The following CDH4 variants were observed in gnomAD, a reference collection of about 807,000 sequenced individuals.
CDH4 encodes the protein cadherin-4.
CDH4 carries 33 observed loss-of-function variants against 86.0 expected under a neutral mutation model. The ratio of observed to expected loss-of-function variants is 0.38; its 90% CI spans 0.29 to 0.51. CDH4 has a LOEUF of 0.51. Ranked by LOEUF, CDH4 falls within the 20% of genes least tolerant of loss-of-function variation. CDH4 has a pLI of 0.86. For synonymous variants in CDH4, 555 were observed against 549.4 expected, an observed-to-expected ratio of 1.01 and a Z score of -0.14; for missense variants, 1,114 against 1,307.4, an observed-to-expected ratio of 0.85 and a Z score of 2.28.
chr20:61,385,843 C>T (rs772529294), intron 2 of CDH4, among the ~76,000 whole-genome samples: 3 of 152,212 alleles, frequency 2.0e-5, no homozygotes, highest in Non-Finnish European at 2.9e-5. Context: ...AAAGAGCCCC[C>T]GAGTGCCCAG....
intron 2 of CDH4, among the ~76,000 whole-genome samples, chr20:61,670,640 A>T (rs980746116): frequency 1.3e-5 from 2 of 152,184 alleles, no homozygotes; most frequent in Non-Finnish European, 2.9e-5. Flanking sequence ...TTGTTTTTGT[A>T]TGGGGAGTGC....
In CDH4 at chr20:61,807,895, T is replaced by TGGCGGGATGCAGGCAC. The variant is rs746866562; in HGVS notation, c.576+34714_576+34729dup. 1.3e-5 allele frequency among the ~76,000 whole-genome samples: 2 copies of TGGCGGGATGCAGGCAC among 152,316 alleles called. No individual in the cohort carries two copies. The highest frequency in any genetic ancestry group is 1.5e-5 in the Non-Finnish European group (1 of 68,020). On this transcript the variant is annotated intron_variant, in intron 4 of 15. Transcript: ENST00000614565. The surrounding 1 kb of genome is among the most constrained non-coding windows in gnomAD (Gnocchi z 4.5). ...TCCACTGGGCAGCAGGCTGTGGGCCTGGCGGGATGCAGGCACAGCGCGATC... is the reference window on the plus strand; with the variant it reads ...TCCACTGGGCAGCAGGCTGTGGGCCTGGCGGGATGCAGGCACGGCGGGATGCAGGCACAGCGCGATC...
At chr20:61,492,190 T>G (rs1014387801) in intron 2 of CDH4, among the ~76,000 whole-genome samples, 45 of 151,376 alleles carry the variant, frequency 3.0e-4, no homozygotes, top group Non-Finnish European at 5.3e-4. Context: ...ATTGGTGGTG[T>G]TGATATTGTT....
chr20:61,567,871 C>T (rs768288377), intron 2 of CDH4, among the ~76,000 whole-genome samples: 39 of 152,148 alleles, frequency 2.6e-4, no homozygotes, highest in Non-Finnish European at 4.6e-4. Context: ...TGCTTGGGAG[C>T]CTGAGGAAGG....
rs1292047608 is a variant in CDH4 at position 61,879,255 on chromosome 20, C to T, written c.1050+5355C>T. Among the ~76,000 whole-genome samples, 3 of 152,324 alleles carry T rather than the reference C, an allele frequency of 2.0e-5. No homozygotes were observed. Among genetic ancestry groups the T allele is most frequent in the African/African-American group, 4.8e-5 (2 of 41,586 alleles). On this transcript the variant is annotated intron_variant, in intron 7 of 15. Coordinates refer to ENST00000614565, the MANE Select transcript of CDH4 (RefSeq NM_001794.5). This position sits in a 1 kb window ranked among gnomAD's most constrained non-coding sequence, Gnocchi z 4.1. ...AGAAGCTGATTTCTGTCTGGCTTGG[C>T]GTATCAGAGAAGAGCACACATCGGG...
chr20:61,328,221 G>C (rs897563693), intron 2 of CDH4, among the ~76,000 whole-genome samples: 1 of 152,076 alleles, frequency 6.6e-6, no homozygotes, highest in Non-Finnish European at 1.5e-5. Context: ...TGTCACCCAG[G>C]CTGGAGTGCA....
At chr20:61,461,481 G>C (rs1056358907) in intron 2 of CDH4, among the ~76,000 whole-genome samples, 1 of 152,194 alleles carries the variant, frequency 6.6e-6, no homozygotes, top group African/African-American at 2.4e-5. Context: ...CTGGAAGGAA[G>C]AGACTGAGGG....
At chr20:61,841,180 G>A (rs553014098) in intron 4 of CDH4, among the ~76,000 whole-genome samples, 3 of 152,346 alleles carry the variant, frequency 2.0e-5, no homozygotes, top group Admixed American at 1.3e-4. Context: ...AGCCACTCGA[G>A]CACCTACTGC....
chr20:61,405,303 C>T (rs974096688), intron 2 of CDH4, among the ~76,000 whole-genome samples: 17 of 151,572 alleles, frequency 1.1e-4, no homozygotes, highest in Non-Finnish European at 2.5e-4. Context: ...ACTAGTGTGC[C>T]ACTTCCATAC....
chr20:61,863,567 G>A (rs1037525848), intron 6 of CDH4, among the ~76,000 whole-genome samples: 7 of 152,170 alleles, frequency 4.6e-5, no homozygotes, highest in African/African-American at 1.7e-4. Flanking sequence ...CAGCCTCTGT[G>A]GAACGGAGCC....
intron 8 of CDH4, among the ~76,000 whole-genome samples, chr20:61,903,163 TG>T (rs2054748236): frequency 6.6e-6 from 1 of 152,218 alleles, no homozygotes; most frequent in Non-Finnish European, 1.5e-5. Flanking sequence ...CACCCCGCAC[TG>T]GGCACTCCCT....
chr20:61,535,631 T>C (rs72629015), intron 2 of CDH4, among the ~76,000 whole-genome samples: 13,706 of 152,160 alleles, frequency 0.09, 819 homozygotes, highest in East Asian at 0.33. Context: ...TCAAAAAGCA[T>C]TGGGACTTCC....
At chr20:61,254,406 C>T (rs977189609) in intron 1 of CDH4, among the ~76,000 whole-genome samples, 2 of 152,250 alleles carry the variant, frequency 1.3e-5, no homozygotes, top group Non-Finnish European at 2.9e-5. Context: ...GAGCGCAGAG[C>T]GGTGGGCCTA....
intron 13 of CDH4, among the ~76,000 whole-genome samples, chr20:61,931,661 C>T (rs943602260): frequency 1.3e-5 from 2 of 152,150 alleles, no homozygotes; most frequent in African/African-American, 2.4e-5. Flanking sequence ...TTACTGGGGG[C>T]GTGGGCTGCA....
Position 61,754,834 on chromosome 20 carries a change from C to T in CDH4, c.396+11045C>T, listed in dbSNP as rs144318850. 4.0e-3 allele frequency among the ~76,000 whole-genome samples: 608 copies of T among 150,626 alleles called. 4 individuals are homozygous for T. The highest frequency in any genetic ancestry group is 0.021 in the Middle Eastern group (6 of 288). On this transcript the variant is annotated intron_variant, in intron 3 of 15. Transcript: ENST00000614565. The surrounding 1 kb of genome is among the most constrained non-coding windows in gnomAD (Gnocchi z 4.7). The stretch of plus-strand genomic sequence containing the variant: ...CACACGATGCATGCCACACACCACA[C>T]ACATGCCCCACACACACCACACAGT...
At chr20:61,765,276 G>C (rs1230472162) in intron 3 of CDH4, among the ~76,000 whole-genome samples, 1 of 152,184 alleles carries the variant, frequency 6.6e-6, no homozygotes, top group Non-Finnish European at 1.5e-5. Flanking sequence ...AGAGGCGGGA[G>C]TGGTGACACC....
chr20:61,580,754 C>A (rs1042039926), intron 2 of CDH4, among the ~76,000 whole-genome samples: 1 of 152,118 alleles, frequency 6.6e-6, no homozygotes, highest in Non-Finnish European at 1.5e-5. Context: ...GTTGGGCGCA[C>A]GAAATGAGCC....
At position 61,608,272 on chromosome 20, in the gene CDH4, G is replaced by A. The variant is rs1273607255; in HGVS notation, c.170-135291G>A. 6.6e-5 allele frequency among the ~76,000 whole-genome samples: 10 copies of A among 152,288 alleles called. No homozygotes were observed. The East Asian group carries it at 1.5e-3, about 24-fold the overall frequency. The stretch of plus-strand genomic sequence containing the variant: ...ATTTATTTCTAAGCCACGCAGGTTG[G>A]CAGGGAAATATCTTGATGTTATCTA... On this transcript the variant is annotated intron_variant, in intron 2 of 15. Transcript: ENST00000614565.
intron 2 of CDH4, among the ~76,000 whole-genome samples, chr20:61,365,375 C>G (rs758131180): frequency 6.6e-6 from 1 of 152,076 alleles, no homozygotes; most frequent in Non-Finnish European, 1.5e-5. Context: ...AGAACATGGG[C>G]GTGGCTGGTC....
Sources: allele counts gnomAD v4.1 joint callset (sites outside exome capture counted in the v4.1 genomes callset), GRCh38; gene constraint gnomAD v4.1.1; non-coding constraint Gnocchi (gnomAD v3.1); transcripts MANE v1.5; gene names NCBI Gene and HGNC (gene_info 2026-07-23, HGNC 2026-07-21).